ZFP1: variants seen among roughly 807,000 people sequenced by gnomAD.
The protein encoded by ZFP1 is zinc finger protein 1 homolog.
A neutral mutation model predicts 38.5 loss-of-function variants in ZFP1; 32 were observed. The ratio of observed to expected loss-of-function variants is 0.83; its 90% confidence interval spans 0.63 to 1.12. ZFP1 has a LOEUF of 1.12. Among genes scored for constraint, ZFP1 ranks in the 50% most tolerant of loss-of-function variants. The probability of loss-of-function intolerance (pLI) is 0.00; values close to 1 mark genes in which losing one functional copy is unlikely to be tolerated. For missense variants in ZFP1, 616 were observed against 480.8 expected (o/e 1.28, Z -2.63); for synonymous variants, 245 against 168.8 (o/e 1.45, Z -3.50).
chr16:75,130,332 TG>T, the ZFP1 span, among the ~76,000 whole-genome samples: 1 of 152,152 alleles, frequency 6.6e-6, no homozygotes, highest in Non-Finnish European at 1.5e-5. Flanking sequence ...GGCACGCTTC[TG>T]GGGGTCTTGC....
At position 75,152,957 on chromosome 16, in the gene ZFP1, C is replaced by G; in HGVS notation, c.6C>G (p.Asn2Lys). 2 of 1,613,686 alleles carry G rather than the reference C, an allele frequency of 1.2e-6. No individual in the cohort carries two copies. The highest frequency in any genetic ancestry group is 1.7e-6 in the Non-Finnish European group (2 of 1,179,842). The change falls in exon 2 of 4, where the codon AAC becomes AAG. Residue 2 changes from asparagine (N) to lysine (K), a missense_variant. Asn to Lys is a moderately conservative substitution (Grantham distance 94). Transcript: ENST00000570010. ...TTTGCCCAAAACTGCAGAAAATGAA[C>G]AAATCCCAGGTGAGTTGTTTGTTTA... Reference protein sequence around the residue: MNKSQGSVSFTD... With the variant: MKKSQGSVSFTD...
chr16:75,164,087 C>CTGTT (rs1597073002), intron 2 of ZFP1, among the ~76,000 whole-genome samples: 1 of 152,078 alleles, frequency 6.6e-6, no homozygotes, highest in Non-Finnish European at 1.5e-5. Context: ...TTTTGGAATT[C>CTGTT]TGTTTATTGA....
At chr16:75,124,078 A>C in the ZFP1 span, among the ~76,000 whole-genome samples, 1 of 151,900 alleles carries the variant, frequency 6.6e-6, no homozygotes, top group African/African-American at 2.4e-5. Flanking sequence ...TGGGTGACAA[A>C]GTGAGACTCC....
chr16:75,120,579 T>G, the ZFP1 span, among the ~76,000 whole-genome samples: 1 of 151,960 alleles, frequency 6.6e-6, no homozygotes, highest in Admixed American at 6.6e-5. Context: ...CCCTTGGGTT[T>G]TTTTGTTTTT....
intron 1 of ZFP1, among the ~76,000 whole-genome samples, chr16:75,149,561 T>C (rs1386020315): frequency 7.2e-6 from 1 of 138,262 alleles, no homozygotes; most frequent in African/African-American, 2.6e-5. Flanking sequence ...TACTTTCTTT[T>C]TTTTTTTTTT....
rs1332447850 is a variant in ZFP1 at position 75,169,383 on chromosome 16, T to G, written c.273T>G (p.Asn91Lys). The G allele has an allele frequency of 4.3e-6, 7 of 1,614,152 alleles. No homozygotes were observed. Among genetic ancestry groups the G allele is most frequent in the Non-Finnish European group, 4.2e-6 (5 of 1,180,020 alleles). The change falls in exon 4 of 4, where the codon AAT becomes AAG. Residue 91 changes from asparagine (N) to lysine (K), a missense_variant. By Grantham distance (94) the Asn-to-Lys change is moderately conservative. Coordinates refer to ENST00000570010, the MANE Select transcript of ZFP1 (RefSeq NM_153688.4). ...ERGDLFGKAL[N>K]LNTDFVSLRQ... ...GCGATCTCTTTGGAAAAGCACTTAA[T>G]CTGAACACAGACTTTGTTTCTTTAA...
intron 2 of ZFP1, among the ~76,000 whole-genome samples, chr16:75,158,795 C>T (rs992967459): frequency 6.6e-6 from 1 of 151,632 alleles, no homozygotes; most frequent in African/African-American, 2.4e-5. Context: ...TAATATTTTG[C>T]ATATTACTTT....
At chr16:75,164,805 A>T (rs182158122) in intron 2 of ZFP1, among the ~76,000 whole-genome samples, 2,975 of 76,098 alleles carry the variant, frequency 0.039, 42 homozygotes, top group Middle Eastern at 0.069. Context: ...TTTAGTTTCC[A>T]TAAGTTTTTT....
At chr16:75,140,686 A>G in the ZFP1 span, among the ~76,000 whole-genome samples, 13 of 152,118 alleles carry the variant, frequency 8.5e-5, no homozygotes, top group South Asian at 2.1e-4. Context: ...GAGGCCGGGC[A>G]CGGTGGCTCA....
Position 75,170,262 on chromosome 16 carries a change from A to G in ZFP1, c.1152A>G (p.Glu384=). ...HTGEKPYECS[E]CGKAFSRKSR... ...GAGAGAAACCATATGAGTGTTCCGA[A>G]TGTGGGAAGGCCTTTAGCAGGAAGT... The change falls in exon 4 of 4, where the codon GAA becomes GAG. Residue 384 remains glutamate, a synonymous_variant. Coordinates refer to ENST00000570010, the MANE Select transcript of ZFP1 (RefSeq NM_153688.4). The G allele has an allele frequency of 6.2e-7, 1 of 1,613,652 alleles. No individual in the cohort carries two copies. Among genetic ancestry groups the G allele is most frequent in the Non-Finnish European group, 8.5e-7 (1 of 1,179,726 alleles).
chr16:75,121,934 T>A, the ZFP1 span, among the ~76,000 whole-genome samples: 1 of 152,222 alleles, frequency 6.6e-6, no homozygotes, highest in African/African-American at 2.4e-5. Flanking sequence ...TTCATACTTA[T>A]CCCTGCCAAA....
chr16:75,153,603 C>G (rs943060893), intron 2 of ZFP1, among the ~76,000 whole-genome samples: 1 of 152,018 alleles, frequency 6.6e-6, no homozygotes, highest in African/African-American at 2.4e-5. Context: ...GCAGTGTGTT[C>G]CCATATACCC....
intron 2 of ZFP1, among the ~76,000 whole-genome samples, chr16:75,153,696 T>C (rs1482679464): frequency 2.0e-5 from 3 of 152,304 alleles, no homozygotes; most frequent in East Asian, 1.9e-4. Context: ...TGAGCCAATA[T>C]TGATACTTTA....
intron 3 of ZFP1, among the ~76,000 whole-genome samples, chr16:75,167,885 T>G (rs771304971): frequency 9.5e-4 from 144 of 151,984 alleles, no homozygotes; most frequent in Non-Finnish European, 1.8e-3. Flanking sequence ...TCACCTGAGG[T>G]CAGTTCAATA....
intron 2 of ZFP1, among the ~76,000 whole-genome samples, chr16:75,153,387 T>C (rs1391518766): frequency 1.3e-5 from 2 of 152,100 alleles, no homozygotes; most frequent in African/African-American, 4.8e-5. Context: ...TGTATTTAAA[T>C]CCCTCCACCC....
intron 1 of ZFP1, among the ~76,000 whole-genome samples, chr16:75,150,029 C>T (rs533188706): frequency 1.4e-4 from 22 of 151,978 alleles, no homozygotes; most frequent in African/African-American, 5.3e-4. Context: ...AAGTGATTCT[C>T]CCGCCTTGGC....
chr16:75,170,168 A>C lies in ZFP1; in HGVS notation c.1058A>C (p.Glu353Ala), dbSNP rs747422112. The C allele has an allele frequency of 2.5e-6, 4 of 1,614,186 alleles. No individual in the cohort carries two copies. Among genetic ancestry groups the C allele is most frequent in the Non-Finnish European group, 3.4e-6 (4 of 1,180,028 alleles). Residue 353 changes from glutamate to alanine, a missense_variant, in exon 4 of 4, where the codon GAA (glutamate) becomes GCA (alanine). By Grantham distance (107) the Glu-to-Ala change is moderately radical. Coordinates refer to ENST00000570010, the MANE Select transcript of ZFP1 (RefSeq NM_153688.4). ...MRTHTGEKPYECTECGKTFSQ... is the reference protein window; with the variant it reads ...MRTHTGEKPYACTECGKTFSQ... ...ACTCATACAGGAGAGAAACCCTATG[A>C]ATGTACTGAGTGCGGCAAAACTTTC...
At chr16:75,151,395 TTTC>T (rs2037198377) in intron 1 of ZFP1, among the ~76,000 whole-genome samples, 1 of 152,144 alleles carries the variant, frequency 6.6e-6, no homozygotes, top group Non-Finnish European at 1.5e-5. Context: ...TTTTTCTGTT[TTTC>T]TTATTTGGTC....
In ZFP1 at chr16:75,169,824, A is replaced by G. The variant is rs2038322257; in HGVS notation, c.714A>G (p.Lys238=). 11 of 1,614,046 alleles carry G rather than the reference A, an allele frequency of 6.8e-6. No individual in the cohort carries two copies. Among genetic ancestry groups the G allele is most frequent in the African/African-American group, 1.3e-5 (1 of 74,922 alleles). The change falls in exon 4 of 4, where the codon AAA becomes AAG. Residue 238 remains lysine, a synonymous_variant. Coordinates refer to ENST00000570010, the MANE Select transcript of ZFP1 (RefSeq NM_153688.4). ...ATCAGAGAATTCACACTGGGGAGAA[A>G]CCTTTCGAGTGTCCGGAATGTGGAA... ...IKHQRIHTGE[K]PFECPECGKA... is the part of the protein sequence containing the mutation.
Sources: gnomAD v4.1 joint callset for allele counts (sites outside exome capture counted in the v4.1 genomes callset) on GRCh38, gnomAD v4.1.1 for gene constraint, MANE v1.5 for transcripts, NCBI Gene and HGNC (gene_info 2026-07-23, HGNC 2026-07-21) for gene names.